SLIT2: variants seen among roughly 807,000 people sequenced by gnomAD.
SLIT2 encodes the protein slit homolog 2 protein.
Under a neutral mutation model 185.7 loss-of-function variants are expected in SLIT2, and 41 were observed. The observed-to-expected ratio is 0.22, with a 90% confidence interval of 0.17 to 0.29. The LOEUF is 0.29. Ranked by LOEUF, SLIT2 falls within the 10% of genes least tolerant of loss-of-function variation. The probability of loss-of-function intolerance (pLI) is 1.00; values close to 1 mark genes in which losing one functional copy is unlikely to be tolerated. For missense variants in SLIT2, 1,571 were observed against 1,909.0 expected (o/e 0.82, Z 3.30); for synonymous variants, 693 against 680.2 (o/e 1.02, Z -0.29).
At chr4:20,570,733 A>ATATATATATATATATATATATATG (rs1725517881) in intron 29 of SLIT2, among the ~76,000 whole-genome samples, 1 of 14,292 alleles carries the variant, frequency 7.0e-5, no homozygotes, top group African/African-American at 2.9e-4. Context: ...ATATATATGT[A>ATATATATATATATATATATATATG]TATATATATA....
chr4:20,304,053 G>T (rs532858703), intron 4 of SLIT2, among the ~76,000 whole-genome samples: 2 of 152,176 alleles, frequency 1.3e-5, no homozygotes, highest in Non-Finnish European at 2.9e-5. Context: ...ACCATTTTGA[G>T]GGTGGGTTTG....
At chr4:20,529,934 TA>T (rs1721637268) in intron 16 of SLIT2, among the ~76,000 whole-genome samples, 2 of 152,200 alleles carry the variant, frequency 1.3e-5, no homozygotes, top group Non-Finnish European at 2.9e-5. Context: ...CATCTTTAAC[TA>T]GATTATAGCT....
intron 4 of SLIT2, among the ~76,000 whole-genome samples, chr4:20,304,275 A>G (rs1344746498): frequency 2.6e-5 from 4 of 152,208 alleles, no homozygotes; most frequent in Non-Finnish European, 4.4e-5. Context: ...TTTAAAAGAA[A>G]AGAAAACGAA....
intron 4 of SLIT2, among the ~76,000 whole-genome samples, chr4:20,437,201 G>A (rs1729402562): frequency 6.6e-6 from 1 of 152,150 alleles, no homozygotes; most frequent in Admixed American, 6.5e-5. Context: ...TTGGATGTCT[G>A]CTCGGCAGAA....
At chr4:20,291,902 CTCTG>C (rs1560289262) in intron 4 of SLIT2, among the ~76,000 whole-genome samples, 1 of 91,832 alleles carries the variant, frequency 1.1e-5, no homozygotes, top group Non-Finnish European at 2.1e-5. Context: ...TCCTGCACAC[CTCTG>C]TGTGTGTGTG....
intron 4 of SLIT2, among the ~76,000 whole-genome samples, chr4:20,466,445 T>G (rs2148740608): frequency 6.6e-6 from 1 of 152,328 alleles, no homozygotes; most frequent in South Asian, 2.1e-4. Flanking sequence ...TTGAAATAAT[T>G]TGTTGTGCTA....
intron 11 of SLIT2, among the ~76,000 whole-genome samples, chr4:20,518,145 A>T (rs1720397769): frequency 6.8e-6 from 1 of 146,416 alleles, no homozygotes; most frequent in Non-Finnish European, 1.5e-5. Context: ...ATATATTTAT[A>T]TATATACATA....
At chr4:20,439,493 T>A (rs1042174076) in intron 4 of SLIT2, among the ~76,000 whole-genome samples, 3 of 152,216 alleles carry the variant, frequency 2.0e-5, no homozygotes, top group African/African-American at 7.2e-5. Flanking sequence ...CATCTTCATG[T>A]GATGTTCTGT....
intron 26 of SLIT2, among the ~76,000 whole-genome samples, chr4:20,563,906 A>G (rs1724887564): frequency 6.6e-6 from 1 of 151,796 alleles, no homozygotes; most frequent in South Asian, 2.1e-4. Flanking sequence ...GGCTGCCATT[A>G]TCCTAATACC....
chr4:20,519,533 C>A, intron 12 of SLIT2, 80 bp downstream of exon 12: 1 of 830,804 alleles, frequency 1.2e-6, no homozygotes, highest in Non-Finnish European at 2.0e-6. Flanking sequence ...TTTATGGAGG[C>A]CTTGGAAAAA....
chr4:20,393,891 G>A (rs1224170693), intron 4 of SLIT2, among the ~76,000 whole-genome samples: 1 of 151,994 alleles, frequency 6.6e-6, no homozygotes, highest in Non-Finnish European at 1.5e-5. Context: ...CTGTATTGGT[G>A]ATCACAGAGA....
At chr4:20,574,100 G>A (rs1725861845) in intron 29 of SLIT2, among the ~76,000 whole-genome samples, 1 of 151,768 alleles carries the variant, frequency 6.6e-6, no homozygotes, top group African/African-American at 2.4e-5. Flanking sequence ...GACTACAGGT[G>A]TCCGCCGCCA....
In SLIT2 at chr4:20,466,195, T is replaced by C. The variant is rs144057838; in HGVS notation, c.396-1557T>C. Among the ~76,000 whole-genome samples the C allele has an allele frequency of 2.5e-3, 383 of 152,236 alleles. 2 individuals carry two copies. The highest frequency in any genetic ancestry group is 9.0e-3 in the African/African-American group (376 of 41,556). ...TCTGTAGCCTTCTCTGAACACTGTTTCTGTCATCGAGGCTTTTAAATATAT... is the reference window on the plus strand; with the variant it reads ...TCTGTAGCCTTCTCTGAACACTGTTCCTGTCATCGAGGCTTTTAAATATAT... On this transcript the variant is annotated intron_variant, in intron 4 of 36. Transcript: ENST00000504154.
intron 4 of SLIT2, among the ~76,000 whole-genome samples, chr4:20,409,268 T>C (rs111618784): frequency 0.073 from 11,184 of 152,180 alleles, 562 homozygotes; most frequent in Non-Finnish European, 0.11. Context: ...TTCCCCACCA[T>C]GTGTCCATGT....
chr4:20,499,427 A>C (rs1318183374), intron 9 of SLIT2, among the ~76,000 whole-genome samples: 1 of 152,098 alleles, frequency 6.6e-6, no homozygotes, highest in East Asian at 1.9e-4. Flanking sequence ...TTGAATCCTT[A>C]ATTTATTAAA....
intron 26 of SLIT2, 100 bp downstream of exon 26, chr4:20,554,068 C>A: frequency 1.0e-6 from 1 of 958,700 alleles, no homozygotes; most frequent in South Asian, 1.8e-5. Context: ...GTTGAAATGC[C>A]CAGTAAATGA....
intron 4 of SLIT2, among the ~76,000 whole-genome samples, chr4:20,463,513 A>ATGTGTGTG (rs202173983): frequency 0.019 from 1,899 of 99,534 alleles, 32 homozygotes; most frequent in Admixed American, 0.031. Flanking sequence ...GTATATCCAT[A>ATGTGTGTG]TATGTGTGTG....
At chr4:20,579,411 C>T (rs1021069063) in intron 29 of SLIT2, among the ~76,000 whole-genome samples, 8 of 151,852 alleles carry the variant, frequency 5.3e-5, no homozygotes, top group South Asian at 2.1e-4. Context: ...TAATGTATTT[C>T]GGAACTGTAT....
intron 33 of SLIT2, among the ~76,000 whole-genome samples, chr4:20,598,777 G>A (rs1449449104): frequency 6.6e-6 from 1 of 152,130 alleles, no homozygotes. Context: ...TTTAATAGAC[G>A]TTTGCAGTAA....
Sources: gnomAD v4.1 joint callset for allele counts (sites outside exome capture counted in the v4.1 genomes callset) on GRCh38, gnomAD v4.1.1 for gene constraint, MANE v1.5 for transcripts, NCBI Gene and HGNC (gene_info 2026-07-23, HGNC 2026-07-21) for gene names.